MCF2L2: variants seen among roughly 807,000 people sequenced by gnomAD.
MCF2L2 encodes the protein probable guanine nucleotide exchange factor MCF2L2.
MCF2L2 carries 102 observed loss-of-function variants against 150.2 expected under a neutral mutation model. The ratio of observed to expected loss-of-function variants is 0.68; its 90% CI spans 0.58 to 0.80. The LOEUF (loss-of-function observed/expected upper bound fraction) is 0.80, where lower values mean the gene tolerates loss of function less well. MCF2L2 is among the 30% of genes least tolerant of loss of function. The pLI, the probability that MCF2L2 is intolerant of heterozygous loss-of-function variation, is 0.00. For synonymous variants in MCF2L2, 465 were observed against 491.3 expected, an observed-to-expected ratio of 0.95 and a Z score of 0.71; for missense variants, 1,256 against 1,372.8, an observed-to-expected ratio of 0.91 and a Z score of 1.34.
chr3:183,270,770 A>G lies in MCF2L2; in HGVS notation c.1862+6102T>C. 1 of 1,613,928 alleles carries G rather than the reference A, an allele frequency of 6.2e-7. No homozygotes were observed. Among genetic ancestry groups the G allele is most frequent in the Non-Finnish European group, 8.5e-7 (1 of 1,179,962 alleles). On this transcript the variant is annotated intron_variant, in intron 15 of 29. Coordinates refer to ENST00000328913, the MANE Select transcript of MCF2L2 (RefSeq NM_015078.4). The surrounding 1 kb of genome is among the most constrained non-coding windows in gnomAD (Gnocchi z 4.5). ...ATGAAAAAATGATGACATCTCATGG[A>G]CACTTAGAAGATCTCCAGGACCTTT... is the stretch of plus-strand genomic sequence containing the variant.
intron 15 of MCF2L2, among the ~76,000 whole-genome samples, chr3:183,248,259 T>A (rs6775535): frequency 0.12 from 18,002 of 152,200 alleles, 3,077 homozygotes; most frequent in African/African-American, 0.37. Flanking sequence ...TTGGACCATC[T>A]GACCACCAAG....
chr3:183,273,331 ATAAT>A (rs1337331395), intron 15 of MCF2L2: 14 of 254,064 alleles, frequency 5.5e-5, no homozygotes, highest in African/African-American at 1.6e-4. Context: ...GTATGGCAAA[ATAAT>A]TAGTGAGTTT....
At chr3:183,388,021 G>T (rs991922715) in intron 2 of MCF2L2, among the ~76,000 whole-genome samples, 1 of 151,710 alleles carries the variant, frequency 6.6e-6, no homozygotes, top group South Asian at 2.1e-4. Flanking sequence ...TGCCCAAGGT[G>T]ATGCTGCTAG....
chr3:183,303,091 G>C (rs1436917777), intron 10 of MCF2L2, among the ~76,000 whole-genome samples: 2 of 151,752 alleles, frequency 1.3e-5, no homozygotes, highest in Non-Finnish European at 2.9e-5. Flanking sequence ...CTACTCGGGA[G>C]GCTGAGGCAG....
At chr3:183,420,877 C>T (rs1294528050) in intron 1 of MCF2L2, among the ~76,000 whole-genome samples, 1 of 152,222 alleles carries the variant, frequency 6.6e-6, no homozygotes, top group Non-Finnish European at 1.5e-5. Flanking sequence ...CACCCCCCAC[C>T]AGGTCCCTCC....
chr3:183,349,981 G>A (rs536733238), intron 3 of MCF2L2, among the ~76,000 whole-genome samples: 97 of 152,156 alleles, frequency 6.4e-4, no homozygotes, highest in African/African-American at 2.3e-3. Context: ...ATATTAGATC[G>A]TTTATAAACA....
At chr3:183,352,033 T>C (rs1318736054) in intron 3 of MCF2L2, among the ~76,000 whole-genome samples, 3 of 152,216 alleles carry the variant, frequency 2.0e-5, no homozygotes, top group African/African-American at 7.2e-5. Flanking sequence ...GAAGATATGA[T>C]AAGATACAAC....
intron 22 of MCF2L2, among the ~76,000 whole-genome samples, chr3:183,209,661 G>A (rs1472830416): frequency 6.6e-6 from 1 of 151,924 alleles, no homozygotes; most frequent in Non-Finnish European, 1.5e-5. Flanking sequence ...GCTAATTTTT[G>A]TATTTTTAGT....
At chr3:183,229,368 C>A (rs2108670198) in intron 17 of MCF2L2, among the ~76,000 whole-genome samples, 1 of 152,330 alleles carries the variant, frequency 6.6e-6, no homozygotes, top group East Asian at 1.9e-4. Flanking sequence ...TGGCACAGAA[C>A]AGGTGCTCAA....
chr3:183,361,020 A>AGAG (rs1560040170), intron 3 of MCF2L2, among the ~76,000 whole-genome samples: 16 of 126,680 alleles, frequency 1.3e-4, no homozygotes, highest in African/African-American at 4.5e-4. Context: ...AAAGAAAAGA[A>AGAG]AAGAGAAAAG....
At chr3:183,394,090 C>T (rs910932695) in intron 1 of MCF2L2, among the ~76,000 whole-genome samples, 3 of 152,160 alleles carry the variant, frequency 2.0e-5, no homozygotes, top group Non-Finnish European at 4.4e-5. Context: ...AGAACAGCTG[C>T]CCCAAGTTTG....
intron 21 of MCF2L2, among the ~76,000 whole-genome samples, chr3:183,216,632 T>C (rs1722955175): frequency 8.2e-6 from 1 of 121,430 alleles, no homozygotes; most frequent in African/African-American, 3.2e-5. Flanking sequence ...CGAGAGAGAG[T>C]TTCACTCTGT....
At chr3:183,366,371 T>A (rs1577096035) in intron 3 of MCF2L2, among the ~76,000 whole-genome samples, 1 of 152,208 alleles carries the variant, frequency 6.6e-6, no homozygotes, top group South Asian at 2.1e-4. Context: ...CTGGGCGCGG[T>A]GGCTCATGTC....
intron 27 of MCF2L2, among the ~76,000 whole-genome samples, chr3:183,189,337 G>GGCCT (rs112436161): frequency 6.8e-4 from 104 of 152,338 alleles, no homozygotes; most frequent in African/African-American, 2.3e-3. Flanking sequence ...AACCCCCACA[G>GGCCT]GCCTGTGTGC....
chr3:183,349,795 C>A (rs1359928931), intron 3 of MCF2L2, among the ~76,000 whole-genome samples: 1 of 152,180 alleles, frequency 6.6e-6, no homozygotes, highest in Non-Finnish European at 1.5e-5. Flanking sequence ...TTCCACTGCT[C>A]CCCTTCCACT....
At chr3:183,364,038 T>C (rs1052703928) in intron 3 of MCF2L2, among the ~76,000 whole-genome samples, 11 of 152,208 alleles carry the variant, frequency 7.2e-5, no homozygotes, top group Non-Finnish European at 8.8e-5. Flanking sequence ...TCAGAATTTC[T>C]AAAATGTAAT....
chr3:183,182,108 G>C (rs1210027870), intron 27 of MCF2L2, among the ~76,000 whole-genome samples: 2 of 152,128 alleles, frequency 1.3e-5, no homozygotes, highest in African/African-American at 4.8e-5. Context: ...GGACTCAACT[G>C]TTTCAGGGTC....
chr3:183,239,338 C>G (rs1206730667), intron 15 of MCF2L2, among the ~76,000 whole-genome samples: 2 of 152,108 alleles, frequency 1.3e-5, no homozygotes, highest in East Asian at 3.9e-4. Flanking sequence ...TGTTTCTTCT[C>G]TGAAGCCATA....
At chr3:183,208,204 A>G (rs1722567329) in intron 22 of MCF2L2, among the ~76,000 whole-genome samples, 1 of 152,236 alleles carries the variant, frequency 6.6e-6, no homozygotes, top group Non-Finnish European at 1.5e-5. Flanking sequence ...TAACATTTCA[A>G]TTATGTCCAG....
Sources: gnomAD v4.1 joint callset for allele counts (sites outside exome capture counted in the v4.1 genomes callset) on GRCh38, gnomAD v4.1.1 for gene constraint, Gnocchi (gnomAD v3.1) non-coding constraint, MANE v1.5 for transcripts, NCBI Gene and HGNC (gene_info 2026-07-23, HGNC 2026-07-21) for gene names.